The following CCBE1 variants were observed in gnomAD, a reference collection of about 807,000 sequenced individuals.
CCBE1 encodes collagen and calcium-binding EGF domain-containing protein 1.
CCBE1 carries 37 observed loss-of-function variants against 50.0 expected under a neutral mutation model. The ratio of observed to expected loss-of-function variants is 0.74; its 90% confidence interval spans 0.57 to 0.97. The LOEUF is 0.97. CCBE1 is among the 50% of genes least tolerant of loss of function. The probability of loss-of-function intolerance (pLI) is 0.00; values close to 1 mark genes in which losing one functional copy is unlikely to be tolerated. For missense variants in CCBE1, 538 were observed against 523.8 expected, an observed-to-expected ratio of 1.03 and a Z score of -0.26; for synonymous variants, 234 against 203.7, an observed-to-expected ratio of 1.15 and a Z score of -1.27.
At chr18:59,649,741 C>T (rs2054102884) in intron 2 of CCBE1, among the ~76,000 whole-genome samples, 1 of 152,176 alleles carries the variant, frequency 6.6e-6, no homozygotes, top group Admixed American at 6.5e-5. Context: ...TCCTGTCTCA[C>T]AACACAAAAG....
intron 2 of CCBE1, among the ~76,000 whole-genome samples, chr18:59,608,766 A>G (rs2053533500): frequency 6.6e-6 from 1 of 152,166 alleles, no homozygotes; most frequent in Non-Finnish European, 1.5e-5. Context: ...TAGCACATGA[A>G]AGTGTTCATG....
chr18:59,678,940 C>G (rs1320022842), intron 2 of CCBE1, among the ~76,000 whole-genome samples: 2 of 152,092 alleles, frequency 1.3e-5, no homozygotes, highest in Non-Finnish European at 1.5e-5. Flanking sequence ...TAAAAGGGCT[C>G]TAAACATAAA....
At chr18:59,548,938 A>T (rs12967191) in intron 2 of CCBE1, among the ~76,000 whole-genome samples, 74,612 of 151,334 alleles carry the variant, frequency 0.49, 19,010 homozygotes, top group Non-Finnish European at 0.57. Flanking sequence ...CCCCCTATGT[A>T]TTAAAAATAC....
At chr18:59,695,029 T>C (rs1225802836) in intron 2 of CCBE1, among the ~76,000 whole-genome samples, 1 of 152,184 alleles carries the variant, frequency 6.6e-6, no homozygotes, top group Non-Finnish European at 1.5e-5. Flanking sequence ...ACCACACTGC[T>C]TTAAGAAGTC....
chr18:59,634,505 C>T (rs1309414874), intron 2 of CCBE1, among the ~76,000 whole-genome samples: 1 of 152,098 alleles, frequency 6.6e-6, no homozygotes, highest in Non-Finnish European at 1.5e-5. Context: ...TTTTGGACTG[C>T]CACAGATTAT....
At chr18:59,447,784 T>C (rs1380300047) in intron 7 of CCBE1, among the ~76,000 whole-genome samples, 199 bp downstream of exon 7, 1 of 152,248 alleles carries the variant, frequency 6.6e-6, no homozygotes, top group African/African-American at 2.4e-5. Context: ...CACATTGCTA[T>C]TGGCTATGAG....
intron 2 of CCBE1, among the ~76,000 whole-genome samples, chr18:59,544,642 C>T (rs989185425): frequency 1.3e-5 from 2 of 152,150 alleles, no homozygotes; most frequent in Non-Finnish European, 2.9e-5. Context: ...AAGTTAGTAA[C>T]GTTGTCTTTC....
intron 2 of CCBE1, among the ~76,000 whole-genome samples, chr18:59,675,205 A>G (rs149273685): frequency 6.6e-6 from 1 of 152,308 alleles, no homozygotes; most frequent in African/African-American, 2.4e-5. Context: ...GTGCCCAATG[A>G]CAGAAGCCTC....
chr18:59,511,424 G>T (rs1442832890), intron 2 of CCBE1, among the ~76,000 whole-genome samples: 1 of 152,206 alleles, frequency 6.6e-6, no homozygotes, highest in South Asian at 2.1e-4. Context: ...CATCATCAGT[G>T]AACACCAGCC....
intron 2 of CCBE1, among the ~76,000 whole-genome samples, chr18:59,481,212 T>C (rs2143774087): frequency 6.6e-6 from 1 of 152,290 alleles, no homozygotes; most frequent in Non-Finnish European, 1.5e-5. Context: ...TGGATGTGCT[T>C]AGCAGAAGAA....
chr18:59,597,903 T>G (rs1244396034), intron 2 of CCBE1, among the ~76,000 whole-genome samples: 1 of 152,068 alleles, frequency 6.6e-6, no homozygotes, highest in Non-Finnish European at 1.5e-5. Flanking sequence ...CTAGCAATCT[T>G]GAAGAAAAGG....
At chr18:59,692,513 T>C (rs1405897109) in intron 2 of CCBE1, among the ~76,000 whole-genome samples, 1 of 152,212 alleles carries the variant, frequency 6.6e-6, no homozygotes, top group South Asian at 2.1e-4. Context: ...CTTGGTGACT[T>C]GCCAGAGAAG....
At chr18:59,597,642 A>T (rs575227466) in intron 2 of CCBE1, among the ~76,000 whole-genome samples, 19 of 152,296 alleles carry the variant, frequency 1.2e-4, no homozygotes, top group African/African-American at 4.3e-4. Flanking sequence ...GTTCACCTAG[A>T]AGTAGGTCTG....
intron 2 of CCBE1, among the ~76,000 whole-genome samples, chr18:59,624,318 G>A (rs1461954605): frequency 6.6e-6 from 1 of 152,172 alleles, no homozygotes; most frequent in African/African-American, 2.4e-5. Flanking sequence ...GTATGCTTGG[G>A]ACTCTGCTGC....
chr18:59,486,447 T>C (rs1339377808), intron 2 of CCBE1, among the ~76,000 whole-genome samples: 1 of 152,242 alleles, frequency 6.6e-6, no homozygotes, highest in South Asian at 2.1e-4. Context: ...AGAAATGTTA[T>C]ATTGCTTTCT....
intron 2 of CCBE1, among the ~76,000 whole-genome samples, chr18:59,487,394 T>C (rs1912874364): frequency 6.6e-6 from 1 of 152,158 alleles, no homozygotes; most frequent in South Asian, 2.1e-4. Context: ...TTTTCAATGT[T>C]CTTCCCTTGC....
At chr18:59,511,215 T>C (rs1357129487) in intron 2 of CCBE1, among the ~76,000 whole-genome samples, 1 of 152,220 alleles carries the variant, frequency 6.6e-6, no homozygotes, top group African/African-American at 2.4e-5. Flanking sequence ...TAACTGCCAA[T>C]AAAAACACAT....
chr18:59,530,233 AG>A (rs1914996107), intron 2 of CCBE1, among the ~76,000 whole-genome samples: 1 of 152,012 alleles, frequency 6.6e-6, no homozygotes, highest in South Asian at 2.1e-4. Flanking sequence ...CCATGGGGAG[AG>A]GAAGTCTGGA....
At chr18:59,630,152 C>T (rs2053833098) in intron 2 of CCBE1, among the ~76,000 whole-genome samples, 1 of 152,062 alleles carries the variant, frequency 6.6e-6, no homozygotes, top group South Asian at 2.1e-4. Flanking sequence ...GACAAGCAGG[C>T]AAGACTTTGA....
Sources: allele counts gnomAD v4.1 joint callset (sites outside exome capture counted in the v4.1 genomes callset), GRCh38; gene constraint gnomAD v4.1.1; transcripts MANE v1.5; gene names NCBI Gene and HGNC (gene_info 2026-07-23, HGNC 2026-07-21).